Variants in RGS5 observed in about 807,000 individuals in gnomAD.
The protein encoded by RGS5 is regulator of G-protein signalling 5.
RGS5 carries 20 observed loss-of-function variants against 18.9 expected under a neutral mutation model. The observed-to-expected ratio is 1.06, with a 90% CI of 0.74 to 1.54. The LOEUF is 1.54. Among genes scored for constraint, RGS5 ranks in the 40% most tolerant of loss-of-function variants. The pLI is 0.00. For missense variants in RGS5, 201 were observed against 211.8 expected (o/e 0.95, Z 0.32); for synonymous variants, 57 against 76.2 (o/e 0.75, Z 1.31).
At chr1:163,266,773 C>T (rs973502766) in intron 2 of RGS5, 1 of 152,126 alleles carries the variant, frequency 6.6e-6, no homozygotes, top group African/African-American at 2.4e-5. Context: ...ATTTATCTCC[C>T]CCTCTTGATT....
chr1:163,190,127 CA>C (rs1659280510), intron 1 of RGS5, among the ~76,000 whole-genome samples: 1 of 152,058 alleles, frequency 6.6e-6, no homozygotes, highest in Non-Finnish European at 1.5e-5. Flanking sequence ...TAATTGAACA[CA>C]CTAAATTAGA....
intron 1 of RGS5, among the ~76,000 whole-genome samples, chr1:163,317,855 T>A (rs1176095758): frequency 6.6e-6 from 1 of 152,156 alleles, no homozygotes; most frequent in East Asian, 1.9e-4. Context: ...GCCTTTTTTT[T>A]TTTCTTTTTT....
At chr1:163,233,126 A>G (rs1046742921) in intron 2 of RGS5, among the ~76,000 whole-genome samples, 2 of 152,240 alleles carry the variant, frequency 1.3e-5, no homozygotes, top group South Asian at 2.1e-4. Flanking sequence ...TTTTTAAAAA[A>G]TATTTCTCCA....
At chr1:163,263,410 G>C (rs1019406545) in intron 2 of RGS5, among the ~76,000 whole-genome samples, 1 of 152,106 alleles carries the variant, frequency 6.6e-6, no homozygotes, top group African/African-American at 2.4e-5. Flanking sequence ...TTGTTGGAAT[G>C]TTTTCTCTCC....
At chr1:163,243,206 C>T (rs1338364834) in intron 2 of RGS5, among the ~76,000 whole-genome samples, 1 of 152,124 alleles carries the variant, frequency 6.6e-6, no homozygotes, top group East Asian at 1.9e-4. Context: ...AAACCAAACA[C>T]CGCATGTTCT....
At chr1:163,214,520 A>G (rs1571297245) in intron 1 of RGS5, among the ~76,000 whole-genome samples, 1 of 151,998 alleles carries the variant, frequency 6.6e-6, no homozygotes, top group East Asian at 1.9e-4. Flanking sequence ...CTCCTTCATC[A>G]TCAGTTTCTC....
At chr1:163,189,230 T>A (rs529300940) in intron 1 of RGS5, among the ~76,000 whole-genome samples, 1 of 152,242 alleles carries the variant, frequency 6.6e-6, no homozygotes, top group Non-Finnish European at 1.5e-5. Flanking sequence ...TAAATGACAA[T>A]CTGGGAAGTT....
At chr1:163,208,219 G>T (rs1557905754) in intron 1 of RGS5, among the ~76,000 whole-genome samples, 2 of 150,316 alleles carry the variant, frequency 1.3e-5, no homozygotes, top group Non-Finnish European at 3.0e-5. Context: ...GTGGTGGCGG[G>T]CGCCTGTAGT....
intron 1 of RGS5, among the ~76,000 whole-genome samples, chr1:163,319,812 CTA>C (rs1466252477): frequency 6.6e-6 from 1 of 152,072 alleles, no homozygotes; most frequent in Admixed American, 6.6e-5. Context: ...AGAAAGAATA[CTA>C]AAGTTTTCTG....
rs1649160050 is a variant in RGS5 at position 163,286,915 on chromosome 1, T to C, written c.-281+19318A>G. On this transcript the variant is annotated intron_variant, in intron 2 of 5. Coordinates refer to the RGS5 transcript ENST00000618415. ...AATTATACATATTCCCTGTGCTGTT[T>C]ATAGCTTATCTTTGAACAGGAAATA... Among the ~76,000 whole-genome samples, 2 of 152,184 alleles carry C rather than the reference T, an allele frequency of 1.3e-5. 1 individual carries two copies. The highest frequency in any genetic ancestry group is 1.3e-4 in the Admixed American group (2 of 15,266).
intron 2 of RGS5, among the ~76,000 whole-genome samples, chr1:163,226,741 T>C (rs1381971107): frequency 2.6e-5 from 4 of 152,230 alleles, no homozygotes; most frequent in African/African-American, 9.6e-5. Flanking sequence ...CTAAGTTTTA[T>C]GTGATGTGTG....
At chr1:163,229,142 T>C (rs1442538431) in intron 2 of RGS5, among the ~76,000 whole-genome samples, 1 of 152,164 alleles carries the variant, frequency 6.6e-6, no homozygotes, top group Non-Finnish European at 1.5e-5. Context: ...TCCATTCTCA[T>C]GCCACTATAA....
At chr1:163,307,381 A>G (rs1293984289) in intron 1 of RGS5, among the ~76,000 whole-genome samples, 1 of 152,202 alleles carries the variant, frequency 6.6e-6, no homozygotes, top group Non-Finnish European at 1.5e-5. Context: ...TGTCTTCTCA[A>G]TTTTATGTGT....
chr1:163,211,294 A>G (rs570333084), intron 1 of RGS5: 1 of 152,240 alleles, frequency 6.6e-6, no homozygotes, highest in South Asian at 2.1e-4. Context: ...TTAATAGGAG[A>G]ATGAAATGTG....
intron 2 of RGS5, among the ~76,000 whole-genome samples, chr1:163,301,752 C>A (rs530912258): frequency 1.3e-5 from 2 of 152,148 alleles, no homozygotes; most frequent in Admixed American, 1.3e-4. Flanking sequence ...ACACAGGATC[C>A]GTGAGACTCC....
rs755737266 is a variant in RGS5, at chr1:163,161,963, C to T, written c.169G>A (p.Glu57Lys). The T allele has an allele frequency of 1.1e-4, 178 of 1,612,840 alleles. No individual in the cohort carries two copies. In the South Asian group the frequency reaches 1.6e-3, roughly 15 times the overall value. ...PAKTQKTSLDEALQWRDSLDK... is the reference protein window; with the variant it reads ...PAKTQKTSLDKALQWRDSLDK... The stretch of plus-strand genomic sequence containing the variant: ...AGGGAATCACGCCACTGCAGGGCCT[C>T]GTCCAGCGAGGTTCTACATCAATAA... Residue 57 changes from glutamate to lysine, a missense_variant, in exon 3 of 5, where the codon GAG (glutamate) becomes AAG (lysine). Coordinates refer to ENST00000313961, the MANE Select transcript of RGS5 (RefSeq NM_003617.4).
chr1:163,180,689 T>G (rs1033043603), intron 1 of RGS5, among the ~76,000 whole-genome samples: 8 of 112,362 alleles, frequency 7.1e-5, no homozygotes, highest in East Asian at 2.4e-4. Flanking sequence ...TTACCCTGTT[T>G]TTTTTTTTTT....
intron 1 of RGS5, among the ~76,000 whole-genome samples, chr1:163,182,459 G>T (rs796075098): frequency 4.6e-5 from 7 of 152,222 alleles, no homozygotes; most frequent in African/African-American, 1.7e-4. Context: ...CCCTACTCAA[G>T]GATTCCCGTG....
At chr1:163,154,674 C>T (rs1657515118) in intron 3 of RGS5, among the ~76,000 whole-genome samples, 1 of 151,742 alleles carries the variant, frequency 6.6e-6, no homozygotes, top group South Asian at 2.1e-4. Flanking sequence ...GGTGTATTTT[C>T]TCTCTCTTCT....
Sources: allele counts gnomAD v4.1 joint callset (sites outside exome capture counted in the v4.1 genomes callset), GRCh38; gene constraint gnomAD v4.1.1; transcripts MANE v1.5; gene names NCBI Gene and HGNC (gene_info 2026-07-23, HGNC 2026-07-21).